ZFYVE28: variants seen among roughly 807,000 people sequenced by gnomAD.
ZFYVE28 encodes the protein zinc finger FYVE-type containing 28, also known as lateral signaling target protein 2 homolog.
Under a neutral mutation model 82.1 loss-of-function variants are expected in ZFYVE28, and 40 were observed. The observed-to-expected ratio is 0.49, with a 90% CI of 0.38 to 0.63. The LOEUF (loss-of-function observed/expected upper bound fraction) is 0.63. Ranked by LOEUF, ZFYVE28 falls within the 30% of genes least tolerant of loss-of-function variation. ZFYVE28 has a pLI of 0.00. For synonymous variants in ZFYVE28, 612 were observed against 546.1 expected (o/e 1.12, Z -1.68); for missense variants, 1,321 against 1,242.1 (o/e 1.06, Z -0.96).
intron 8 of ZFYVE28, among the ~76,000 whole-genome samples, chr4:2,288,899 T>G (rs557159183): frequency 6.6e-6 from 1 of 152,184 alleles, no homozygotes; most frequent in Non-Finnish European, 1.5e-5. Flanking sequence ...CCAGGAATCC[T>G]AGGCCGCAGT....
chr4:2,356,865 C>T (rs921083295), intron 1 of ZFYVE28, among the ~76,000 whole-genome samples: 1 of 152,168 alleles, frequency 6.6e-6, no homozygotes, highest in Non-Finnish European at 1.5e-5. Flanking sequence ...GGGCCCTTGA[C>T]CTTTGCTTCA....
chr4:2,305,191 G>A lies in ZFYVE28; in HGVS notation c.1149C>T (p.Ala383=). ...PGAEGSPGGE[A]SPGRPRLRSG... ...ACCGCAGGCGCGGTCTACCTGGAGA[G>A]GCCTCCCCGCCTGGGCTGCCCTCCG... Residue 383 remains alanine, a synonymous_variant, in exon 8 of 13, where the codon GCC becomes GCT. Coordinates refer to ENST00000290974, the MANE Select transcript of ZFYVE28 (RefSeq NM_020972.3). The A allele has an allele frequency of 6.2e-7, 1 of 1,600,864 alleles. No individual in the cohort carries two copies.
At chr4:2,411,232 T>C (rs1240669784) in intron 1 of ZFYVE28, among the ~76,000 whole-genome samples, 4 of 148,646 alleles carry the variant, frequency 2.7e-5, no homozygotes, top group Admixed American at 2.7e-4. Flanking sequence ...GCCCCCCCAC[T>C]TGATGTGTCC....
intron 3 of ZFYVE28, among the ~76,000 whole-genome samples, chr4:2,340,039 G>A (rs1722535713): frequency 1.3e-5 from 2 of 152,084 alleles, no homozygotes; most frequent in Non-Finnish European, 2.9e-5. Flanking sequence ...TCCCCGTCCA[G>A]GCCACAGGGA....
At chr4:2,379,206 C>T (rs1056523193) in intron 1 of ZFYVE28, among the ~76,000 whole-genome samples, 5 of 152,174 alleles carry the variant, frequency 3.3e-5, no homozygotes, top group Non-Finnish European at 7.3e-5. Flanking sequence ...GGGGACCGCT[C>T]CAGGGAGAGA....
chr4:2,342,072 G>A (rs907527883), intron 2 of ZFYVE28, among the ~76,000 whole-genome samples: 13 of 152,330 alleles, frequency 8.5e-5, no homozygotes, highest in African/African-American at 2.6e-4. Context: ...CAAAGCCCTC[G>A]TCTTCCCTGA....
chr4:2,337,789 T>C (rs1378043657), intron 4 of ZFYVE28, among the ~76,000 whole-genome samples: 2 of 152,144 alleles, frequency 1.3e-5, no homozygotes, highest in Admixed American at 1.3e-4. Context: ...GAGGATCACT[T>C]GTGCCCAGGA....
At chr4:2,405,373 G>T (rs1731760166) in intron 1 of ZFYVE28, among the ~76,000 whole-genome samples, 1 of 152,226 alleles carries the variant, frequency 6.6e-6, no homozygotes. Context: ...ACACCAATTG[G>T]ACCAAATTTG....
intron 6 of ZFYVE28, among the ~76,000 whole-genome samples, chr4:2,331,673 G>C (rs1264847170): frequency 1.3e-5 from 2 of 152,180 alleles, no homozygotes; most frequent in Non-Finnish European, 2.9e-5. Context: ...AGGCTGAGGG[G>C]TGCAGGGCAA....
At chr4:2,317,153 T>A (rs963282364) in intron 7 of ZFYVE28, among the ~76,000 whole-genome samples, 2 of 152,026 alleles carry the variant, frequency 1.3e-5, no homozygotes, top group Admixed American at 6.6e-5. Flanking sequence ...CATGTCTGGC[T>A]AATTTTTGTA....
rs769594270 is a variant in ZFYVE28, at chr4:2,288,580, G to C, written c.2052-14364C>G. Reference sequence around the variant, plus strand: ...GGGTGTCTCCAAGCTGGGTTGGTGAGTCACAGGTTAGGCAGTGTGAGCTGA... The same window carrying C: ...GGGTGTCTCCAAGCTGGGTTGGTGACTCACAGGTTAGGCAGTGTGAGCTGA... On this transcript the variant is annotated intron_variant, in intron 8 of 12. Coordinates refer to ENST00000290974, the MANE Select transcript of ZFYVE28 (RefSeq NM_020972.3). Among the ~76,000 whole-genome samples, 47 of 152,360 alleles carry C rather than the reference G, an allele frequency of 3.1e-4. 1 individual carries two copies. The highest frequency in any genetic ancestry group is 1.5e-3 in the Admixed American group (23 of 15,302).
At position 2,270,745 on chromosome 4, in the gene ZFYVE28, T is replaced by C. The variant is rs769540771; in HGVS notation, c.2644A>G (p.Ser882Gly). The C allele has an allele frequency of 1.2e-6, 2 of 1,613,186 alleles. No homozygotes were observed. Among genetic ancestry groups the C allele is most frequent in the Non-Finnish European group, 1.7e-6 (2 of 1,179,916 alleles). The part of the protein sequence containing the change: ...CYMFHVTPFY[S>G]DKAGL Reference sequence around the variant, plus strand: ...CCACGTCACAGGCCGGCCTTGTCGCTGTAGAAGGGCGTGACATGGAACATG... The same window carrying C: ...CCACGTCACAGGCCGGCCTTGTCGCCGTAGAAGGGCGTGACATGGAACATG... The change falls in exon 13 of 13, where the codon AGC becomes GGC. Residue 882 changes from serine to glycine, a missense_variant. Around this residue, in one of 2 missense-constraint regions of ZFYVE28, gnomAD observed 978 missense variants for 833.7 expected, o/e 1.17. Transcript: ENST00000290974.
At chr4:2,278,296 T>A (rs1377400129) in intron 8 of ZFYVE28, among the ~76,000 whole-genome samples, 1 of 146,842 alleles carries the variant, frequency 6.8e-6, no homozygotes, top group East Asian at 2.0e-4. Flanking sequence ...CAAGTGAGCC[T>A]CCCATCTCAG....
intron 7 of ZFYVE28, among the ~76,000 whole-genome samples, chr4:2,308,688 A>AAAGAGAGAGAAAG: frequency 7.8e-6 from 1 of 128,076 alleles, no homozygotes; most frequent in African/African-American, 3.2e-5. Context: ...AGAAAGAAAG[A>AAAGAGAGAGAAAG]AAAGAAAAGA....
chr4:2,306,807 T>C (rs1266988378), intron 7 of ZFYVE28: 2 of 152,252 alleles, frequency 1.3e-5, no homozygotes, highest in South Asian at 2.1e-4. Context: ...ATAAAGCACG[T>C]TGCCATAGGT....
chr4:2,317,620 G>A (rs772841023), intron 7 of ZFYVE28, among the ~76,000 whole-genome samples: 28 of 151,938 alleles, frequency 1.8e-4, no homozygotes, highest in Non-Finnish European at 3.8e-4. Context: ...GTGTGCTCAC[G>A]GCATGCTTTT....
chr4:2,290,942 A>G (rs1453404949), intron 8 of ZFYVE28, among the ~76,000 whole-genome samples: 1 of 152,226 alleles, frequency 6.6e-6, no homozygotes, highest in Non-Finnish European at 1.5e-5. Context: ...TGGTCTGGGA[A>G]ACTATCCCTT....
intron 8 of ZFYVE28, among the ~76,000 whole-genome samples, chr4:2,294,836 G>A (rs1479392835): frequency 2.0e-5 from 3 of 152,300 alleles, no homozygotes; most frequent in East Asian, 3.9e-4. Flanking sequence ...CGCTTGAGTC[G>A]ATGAGGTGGT....
chr4:2,351,817 GC>G (rs558546848), intron 2 of ZFYVE28, among the ~76,000 whole-genome samples: 2 of 152,212 alleles, frequency 1.3e-5, no homozygotes, highest in Admixed American at 6.5e-5. Flanking sequence ...GGCTCCCATG[GC>G]CCCCTTCTGG....
Sources: gnomAD v4.1 joint callset for allele counts (sites outside exome capture counted in the v4.1 genomes callset) on GRCh38, gnomAD v4.1.1 for gene constraint, gnomAD v4.1.1 regional missense constraint, MANE v1.5 for transcripts, NCBI Gene and HGNC (gene_info 2026-07-23, HGNC 2026-07-21) for gene names.